Variants in GPRC6A observed in about 807,000 individuals in gnomAD.
GPRC6A encodes the protein G protein-coupled receptor family C group 6 member A.
A neutral mutation model predicts 47.0 loss-of-function variants in GPRC6A; 54 were observed. The ratio of observed to expected loss-of-function variants is 1.15; its 90% confidence interval spans 0.92 to 1.44. GPRC6A has a LOEUF of 1.44. GPRC6A is among the 40% of genes most tolerant of loss of function. GPRC6A has a pLI of 0.00. For synonymous variants in GPRC6A, 347 were observed against 377.1 expected, an observed-to-expected ratio of 0.92 and a Z score of 0.93; for missense variants, 1,112 against 1,105.5, an observed-to-expected ratio of 1.01 and a Z score of -0.08.
At chr6:116,813,689 TAG>T (rs1773105694) in intron 1 of GPRC6A, among the ~76,000 whole-genome samples, 1 of 152,190 alleles carries the variant, frequency 6.6e-6, no homozygotes, top group Non-Finnish European at 1.5e-5. Flanking sequence ...ATTCAGGACA[TAG>T]GCATGGGCAA....
intron 1 of GPRC6A, among the ~76,000 whole-genome samples, chr6:116,811,028 T>C (rs975778890): frequency 4.6e-5 from 7 of 152,178 alleles, no homozygotes; most frequent in Non-Finnish European, 1.0e-4. Flanking sequence ...CTGGTGCCAG[T>C]GTATACTGCC....
intron 1 of GPRC6A, among the ~76,000 whole-genome samples, chr6:116,820,942 T>C (rs935926331): frequency 9.9e-5 from 15 of 152,228 alleles, no homozygotes; most frequent in African/African-American, 3.4e-4. Flanking sequence ...GATGACATGA[T>C]TGTATATCTA....
chr6:116,792,146 A>G lies in GPRC6A; in HGVS notation c.2777T>C (p.Ile926Thr). The G allele has an allele frequency of 6.2e-7, 1 of 1,611,152 alleles. No individual in the cohort carries two copies. Among genetic ancestry groups the G allele is most frequent in the Non-Finnish European group, 8.5e-7 (1 of 1,178,320 alleles). ...GTGGCATCTCCTAAGGCTTATTCAT[A>G]TACTTGACATTCTTTTTCGAGGCAA... is the stretch of plus-strand genomic sequence containing the variant. ...KTLPRKRMSS[I>T] Residue 926 changes from isoleucine (I) to threonine (T), a missense_variant, in exon 6 of 6, where the codon ATA becomes ACA. Ile to Thr is a moderately conservative substitution (Grantham distance 89). Coordinates refer to ENST00000310357, the MANE Select transcript of GPRC6A (RefSeq NM_148963.4).
rs187095771 is a variant in GPRC6A at position 116,806,504 on chromosome 6, C to A, written c.1201G>T (p.Asp401Tyr). Reference protein sequence around the residue: ...AIERNFVMRNDFLWDYAEPGL... With the variant: ...AIERNFVMRNYFLWDYAEPGL... ...GGCTCAGCATAGTCCCAGAGGAAGT[C>A]ATTTCTCATGACGAAGTTCCTTTCT... The change falls in exon 3 of 6, where the codon GAC (aspartate) becomes TAC (tyrosine). Residue 401 changes from aspartate to tyrosine, a missense_variant. Coordinates refer to ENST00000310357, the MANE Select transcript of GPRC6A (RefSeq NM_148963.4). The A allele has an allele frequency of 1.4e-5, 22 of 1,613,590 alleles. No homozygotes were observed. In the Admixed American group the frequency reaches 3.5e-4, roughly 26 times the overall value.
At chr6:116,826,738 TACCTG>T (rs1773690829) in intron 1 of GPRC6A, among the ~76,000 whole-genome samples, 3 of 151,950 alleles carry the variant, frequency 2.0e-5, no homozygotes, top group Non-Finnish European at 4.4e-5. Flanking sequence ...ACTAAAGGGA[TACCTG>T]CACTCACATG....
chr6:116,817,540 T>G (rs1773268046), intron 1 of GPRC6A, among the ~76,000 whole-genome samples: 1 of 152,230 alleles, frequency 6.6e-6, no homozygotes, highest in Non-Finnish European at 1.5e-5. Flanking sequence ...GGATGGAGAA[T>G]GACGAGCTGA....
At chr6:116,815,222 C>G (rs892629034) in intron 1 of GPRC6A, among the ~76,000 whole-genome samples, 2 of 152,164 alleles carry the variant, frequency 1.3e-5, no homozygotes, top group Admixed American at 6.5e-5. Flanking sequence ...GTAGCTCACC[C>G]CTGTAATCCC....
intron 4 of GPRC6A, among the ~76,000 whole-genome samples, chr6:116,797,990 C>A (rs1772542201): frequency 6.6e-6 from 1 of 152,180 alleles, no homozygotes; most frequent in Non-Finnish European, 1.5e-5. Context: ...TTACTGTGTT[C>A]ATTCTTTCAT....
chr6:116,795,968 C>G (rs1772474645), intron 4 of GPRC6A, 133 bp from the exon 5 acceptor site: 2 of 550,262 alleles, frequency 3.6e-6, no homozygotes, highest in Non-Finnish European at 6.1e-6. Context: ...ATTATAGAAT[C>G]TTTTTGCCAT....
intron 1 of GPRC6A, among the ~76,000 whole-genome samples, chr6:116,826,152 A>T (rs1407292145): frequency 6.6e-6 from 1 of 151,912 alleles, no homozygotes; most frequent in Non-Finnish European, 1.5e-5. Flanking sequence ...TGCGGGTAAG[A>T]CCTCAAAAGC....
In GPRC6A at chr6:116,806,933, T is replaced by G; in HGVS notation, c.772A>C (p.Ile258Leu). 6 of 1,613,650 alleles carry G rather than the reference T, an allele frequency of 3.7e-6. No individual in the cohort carries two copies. Among genetic ancestry groups the G allele is most frequent in the Non-Finnish European group, 5.1e-6 (6 of 1,179,726 alleles). ...FLSDNTIEVR[I>L]NRTLKKIILE... is the part of the protein sequence containing the mutation. ...ATGATTTTCTTCAGTGTCCGATTGA[T>G]TCTGACTTCAATGGTATTATCTGAA... Residue 258 changes from isoleucine (I) to leucine (L), a missense_variant, in exon 3 of 6, where the codon ATC (isoleucine) becomes CTC (leucine). Physicochemically the swap from Ile to Leu is conservative, Grantham distance 5. Transcript: ENST00000310357.
intron 4 of GPRC6A, among the ~76,000 whole-genome samples, chr6:116,799,878 G>C (rs1237996287): frequency 1.3e-5 from 2 of 152,176 alleles, no homozygotes; most frequent in Non-Finnish European, 2.9e-5. Flanking sequence ...AGCTGACCTT[G>C]ACTAGGGGCA....
intron 1 of GPRC6A, among the ~76,000 whole-genome samples, chr6:116,828,188 T>G (rs974647564): frequency 6.6e-5 from 10 of 152,104 alleles, no homozygotes; most frequent in African/African-American, 2.4e-4. Context: ...CCTGTTCTCC[T>G]TAAGGAAAAT....
At position 116,792,337 on chromosome 6, in the gene GPRC6A, G is replaced by C. The variant is rs1772328809; in HGVS notation, c.2586C>G (p.Ser862Arg). 8 of 1,613,960 alleles carry C rather than the reference G, an allele frequency of 5.0e-6. No individual in the cohort carries two copies. Among genetic ancestry groups the C allele is most frequent in the Non-Finnish European group, 6.8e-6 (8 of 1,179,886 alleles). Residue 862 changes from serine to arginine, a missense_variant, in exon 6 of 6, where the codon AGC becomes AGG. By Grantham distance (110) the Ser-to-Arg change is moderately radical. Transcript: ENST00000310357. The stretch of plus-strand genomic sequence containing the variant: ...GTGAAGCAGGACTCAGGGCAATGCT[G>C]CTCACACTATGGGAAGAATAACTGT... ...MIYSYSSHSV[S>R]SIALSPASLD...
At chr6:116,818,166 G>A (rs1023092224) in intron 1 of GPRC6A, among the ~76,000 whole-genome samples, 2 of 152,134 alleles carry the variant, frequency 1.3e-5, no homozygotes, top group African/African-American at 4.8e-5. Context: ...AAGCCCATCA[G>A]ACTAACAGCG....
At chr6:116,825,149 G>T (rs1003865944) in intron 1 of GPRC6A, among the ~76,000 whole-genome samples, 1 of 151,988 alleles carries the variant, frequency 6.6e-6, no homozygotes, top group Non-Finnish European at 1.5e-5. Context: ...GGGGAAAGTG[G>T]AAAGCCTTTT....
At position 116,804,344 on chromosome 6, in the gene GPRC6A, T is replaced by C. The variant is rs142472418; in HGVS notation, c.1335+2026A>G. Among the ~76,000 whole-genome samples, 315 of 152,214 alleles carry C rather than the reference T, an allele frequency of 2.1e-3. 1 individual carries two copies. Among genetic ancestry groups the C allele is most frequent in the African/African-American group, 6.0e-3 (249 of 41,550 alleles). ...GGAAAAATTAACCCCTTTAAAATTA[T>C]TTGCATCTAAAATCATTTAGAAAGT... On this transcript the variant is annotated intron_variant, in intron 3 of 5. Coordinates refer to ENST00000310357, the MANE Select transcript of GPRC6A (RefSeq NM_148963.4).
intron 1 of GPRC6A, among the ~76,000 whole-genome samples, chr6:116,817,873 G>C (rs1174788404): frequency 1.3e-5 from 2 of 151,920 alleles, no homozygotes; most frequent in Non-Finnish European, 2.9e-5. Context: ...AAGAAATATG[G>C]GACTATGTGA....
At chr6:116,800,092 T>TC (rs1772611250) in intron 4 of GPRC6A, among the ~76,000 whole-genome samples, 1 of 152,182 alleles carries the variant, frequency 6.6e-6, no homozygotes, top group African/African-American at 2.4e-5. Context: ...GTTCATGAAC[T>TC]AGGGCAATAA....
Sources: gnomAD v4.1 joint callset for allele counts (sites outside exome capture counted in the v4.1 genomes callset) on GRCh38, gnomAD v4.1.1 for gene constraint, MANE v1.5 for transcripts, NCBI Gene and HGNC (gene_info 2026-07-23, HGNC 2026-07-21) for gene names.